Variants in ZNF385D observed in about 807,000 individuals in gnomAD.
ZNF385D encodes the protein zinc finger protein 659.
A neutral mutation model predicts 35.8 loss-of-function variants in ZNF385D; 15 were observed. The ratio of observed to expected loss-of-function variants is 0.42; its 90% CI spans 0.28 to 0.64. ZNF385D has a LOEUF of 0.64. Among genes scored for constraint, ZNF385D ranks in the 30% least tolerant of loss-of-function variants. The pLI is 0.23. For synonymous variants in ZNF385D, 212 were observed against 186.8 expected, an observed-to-expected ratio of 1.13 and a Z score of -1.10; for missense variants, 474 against 494.6, an observed-to-expected ratio of 0.96 and a Z score of 0.39.
chr3:21,480,708 T>C (rs1014169507), intron 4 of ZNF385D, among the ~76,000 whole-genome samples: 1 of 152,228 alleles, frequency 6.6e-6, no homozygotes, highest in Non-Finnish European at 1.5e-5. Flanking sequence ...ATTCACTTGT[T>C]CTATTTTGTA....
chr3:21,908,165 T>C (rs868831746), intron 3 of ZNF385D, among the ~76,000 whole-genome samples: 2 of 139,264 alleles, frequency 1.4e-5, no homozygotes, highest in African/African-American at 5.6e-5. Context: ...TATCTATCTA[T>C]CTATCTATAT....
intron 3 of ZNF385D, among the ~76,000 whole-genome samples, chr3:22,128,945 G>C (rs1388894058): frequency 6.6e-6 from 1 of 152,140 alleles, no homozygotes; most frequent in Non-Finnish European, 1.5e-5. Flanking sequence ...GTCTAGGCTT[G>C]TCTATACCTG....
At chr3:21,424,253 A>G (rs534684302) in intron 6 of ZNF385D, among the ~76,000 whole-genome samples, 189 bp from the exon 7 acceptor site, 9 of 139,018 alleles carry the variant, frequency 6.5e-5, no homozygotes, top group African/African-American at 2.2e-4. Flanking sequence ...TGCTATCCAT[A>G]TATATATTCA....
At chr3:22,151,009 G>A (rs1705193624) in intron 3 of ZNF385D, among the ~76,000 whole-genome samples, 1 of 152,156 alleles carries the variant, frequency 6.6e-6, no homozygotes, top group Non-Finnish European at 1.5e-5. Flanking sequence ...TCTAGAGAGA[G>A]AAGCTGTGAA....
At chr3:21,471,273 TTTCTCTCTCTCTCTCTCTCTCTCACACA>T (rs1164762781) in intron 4 of ZNF385D, among the ~76,000 whole-genome samples, 1,436 of 88,458 alleles carry the variant, frequency 0.016, 7 homozygotes, top group Non-Finnish European at 0.024. Context: ...TCTCTCTCTC[TTTCTCTCTCTCTCTCTCTCTCTCACACA>T]CACACACACA....
intron 3 of ZNF385D, among the ~76,000 whole-genome samples, chr3:21,944,365 T>C (rs1033836309): frequency 2.6e-5 from 4 of 152,200 alleles, no homozygotes; most frequent in African/African-American, 9.6e-5. Context: ...CCACTGACAA[T>C]TGGGTTTATA....
At chr3:21,460,101 T>A (rs711735) in intron 4 of ZNF385D, among the ~76,000 whole-genome samples, 1 of 152,030 alleles carries the variant, frequency 6.6e-6, no homozygotes. Context: ...TTCTTTTGAT[T>A]CTGTTTACAT....
At chr3:21,775,234 C>T (rs2071239279) in intron 3 of ZNF385D, among the ~76,000 whole-genome samples, 1 of 151,732 alleles carries the variant, frequency 6.6e-6, no homozygotes, top group South Asian at 2.1e-4. Flanking sequence ...ACTTATGTTT[C>T]CTTTTTTATT....
At chr3:22,322,201 C>A (rs566213454) in intron 2 of ZNF385D, among the ~76,000 whole-genome samples, 2 of 152,188 alleles carry the variant, frequency 1.3e-5, no homozygotes, top group East Asian at 3.9e-4. Context: ...TTATTTTACT[C>A]TCTTCTTCAT....
Position 22,169,544 on chromosome 3 carries a change from T to C in ZNF385D, c.107-509A>G, listed in dbSNP as rs75452893. ...TACTAGTTAAGTAAAGTGACTTACA[T>C]CTGGATGGACACATTCTACACATGC... On this transcript the variant is annotated intron_variant, in intron 2 of 5. Transcript: ENST00000494108. Among the ~76,000 whole-genome samples the C allele has an allele frequency of 5.4e-3, 824 of 152,272 alleles. 4 individuals are homozygous for C. Among genetic ancestry groups the C allele is most frequent in the African/African-American group, 0.018 (764 of 41,550 alleles).
At chr3:21,877,815 T>C (rs533233779) in intron 3 of ZNF385D, 31 of 152,130 alleles carry the variant, frequency 2.0e-4, no homozygotes, top group African/African-American at 7.0e-4. Flanking sequence ...TGTAGAGATA[T>C]CTAATCAAAG....
intron 2 of ZNF385D, among the ~76,000 whole-genome samples, chr3:22,370,520 A>C (rs1246192988): frequency 6.8e-6 from 1 of 148,128 alleles, no homozygotes; most frequent in Admixed American, 6.6e-5. Flanking sequence ...GGTATGAATC[A>C]ATCTATGGTA....
intron 3 of ZNF385D, among the ~76,000 whole-genome samples, chr3:21,963,252 T>G (rs1702698102): frequency 6.6e-6 from 1 of 152,166 alleles, no homozygotes; most frequent in Non-Finnish European, 1.5e-5. Context: ...GTCACTGTCA[T>G]CTTTCATTCT....
chr3:21,942,995 G>A (rs1015536189), intron 3 of ZNF385D, among the ~76,000 whole-genome samples: 4 of 152,052 alleles, frequency 2.6e-5, no homozygotes, highest in African/African-American at 9.7e-5. Context: ...TCATGACAAT[G>A]GTTAAGAACT....
chr3:21,809,645 CATATACATATACATAT>C (rs1482206115), intron 3 of ZNF385D, among the ~76,000 whole-genome samples: 2 of 143,174 alleles, frequency 1.4e-5, no homozygotes, highest in African/African-American at 5.0e-5. Flanking sequence ...TACACATATA[CATATACATATACATAT>C]ATACACATAT....
intron 3 of ZNF385D, among the ~76,000 whole-genome samples, chr3:22,026,668 C>A (rs1366437542): frequency 6.6e-6 from 1 of 152,194 alleles, no homozygotes; most frequent in African/African-American, 2.4e-5. Context: ...CTCACATTGA[C>A]TTCCTGAGCG....
intron 2 of ZNF385D, among the ~76,000 whole-genome samples, chr3:22,302,612 A>C (rs1702964548): frequency 6.6e-6 from 1 of 151,986 alleles, no homozygotes. Flanking sequence ...ATTAAGAATA[A>C]AATTTTCAAT....
At chr3:21,843,187 A>G (rs995823397) in intron 3 of ZNF385D, among the ~76,000 whole-genome samples, 2 of 152,000 alleles carry the variant, frequency 1.3e-5, no homozygotes, top group African/African-American at 4.8e-5. Flanking sequence ...GGGCTCTCTG[A>G]GCAGTTAGAA....
At chr3:21,613,030 C>A (rs1575320935) in intron 2 of ZNF385D, among the ~76,000 whole-genome samples, 1 of 143,434 alleles carries the variant, frequency 7.0e-6, no homozygotes, top group Admixed American at 7.2e-5. Context: ...TACTAAAGAA[C>A]ACCCTCTAAA....
Sources: allele counts gnomAD v4.1 joint callset (sites outside exome capture counted in the v4.1 genomes callset), GRCh38; gene constraint gnomAD v4.1.1; transcripts MANE v1.5; gene names NCBI Gene and HGNC (gene_info 2026-07-23, HGNC 2026-07-21).